Variants in RGPD2 observed in about 807,000 individuals in gnomAD.
RGPD2 encodes the protein RANBP2-like and GRIP domain-containing protein 2.
RGPD2 carries 2 observed loss-of-function variants against 36.0 expected under a neutral mutation model. The observed-to-expected ratio is 0.06, with a 90% CI of 0.02 to 0.17. The LOEUF (loss-of-function observed/expected upper bound fraction) is 0.17, where lower values mean the gene tolerates loss of function less well. RGPD2 is among the 10% of genes least tolerant of loss of function. The pLI, the probability that RGPD2 is intolerant of heterozygous loss-of-function variation, is 1.00. For missense variants in RGPD2, 40 were observed against 464.3 expected (o/e 0.09, Z 8.40); for synonymous variants, 19 against 163.8 (o/e 0.12, Z 6.75).
the RGPD2 span, chr2:87,972,786 G>T: frequency 3.7e-6 from 6 of 1,611,582 alleles, no homozygotes; most frequent in Non-Finnish European, 5.1e-6. Context: ...GGTCACTGCT[G>T]CAGGGAGACT....
At chr2:87,972,901 C>T in the RGPD2 span, 1 of 1,613,128 alleles carries the variant, frequency 6.2e-7, no homozygotes, top group Non-Finnish European at 8.5e-7. Context: ...GAGCTAAACT[C>T]AGGCTGCAAC....
the RGPD2 span, among the ~76,000 whole-genome samples, chr2:87,887,487 G>T: frequency 6.6e-6 from 1 of 151,902 alleles, no homozygotes; most frequent in South Asian, 2.1e-4. Context: ...GATTCTCTTA[G>T]GTACTACATA....
At chr2:87,911,018 T>C in the RGPD2 span, among the ~76,000 whole-genome samples, 1 of 149,028 alleles carries the variant, frequency 6.7e-6, no homozygotes, top group Non-Finnish European at 1.5e-5. Context: ...AAGGAAGCCT[T>C]AGACACAGAG....
the RGPD2 span, among the ~76,000 whole-genome samples, chr2:87,919,163 A>G: frequency 0.26 from 39,056 of 151,916 alleles, 5,444 homozygotes; most frequent in Non-Finnish European, 0.31. Context: ...ACCAAAATTT[A>G]TGATAAGCAC....
At chr2:87,963,080 G>A in the RGPD2 span, among the ~76,000 whole-genome samples, 1 of 147,266 alleles carries the variant, frequency 6.8e-6, no homozygotes, top group Non-Finnish European at 1.5e-5. Flanking sequence ...TCGTGCCAGT[G>A]CACTCCAGCC....
At chr2:87,861,541 A>AT in the RGPD2 span, among the ~76,000 whole-genome samples, 1 of 152,168 alleles carries the variant, frequency 6.6e-6, no homozygotes, top group Non-Finnish European at 1.5e-5. Flanking sequence ...TTTGGTTATC[A>AT]TCTCCTTTGC....
At chr2:87,861,259 C>T in the RGPD2 span, among the ~76,000 whole-genome samples, 3 of 150,600 alleles carry the variant, frequency 2.0e-5, no homozygotes, top group Admixed American at 6.6e-5. Flanking sequence ...TTATAAAAAG[C>T]AAATTGAAGT....
At chr2:87,915,308 A>G in the RGPD2 span, among the ~76,000 whole-genome samples, 3 of 130,648 alleles carry the variant, frequency 2.3e-5, no homozygotes, top group Non-Finnish European at 3.1e-5. Flanking sequence ...TATATATTGT[A>G]TATATATGTA....
chr2:87,936,213 C>T, the RGPD2 span, among the ~76,000 whole-genome samples: 1 of 151,272 alleles, frequency 6.6e-6, no homozygotes, highest in Non-Finnish European at 1.5e-5. Flanking sequence ...CTGAGAACCC[C>T]TGGTGTTGAG....
chr2:87,974,662 G>A, the RGPD2 span, among the ~76,000 whole-genome samples: 1 of 152,268 alleles, frequency 6.6e-6, no homozygotes, highest in Non-Finnish European at 1.5e-5. Context: ...CATGAATGGT[G>A]CCTGTCTACT....
At chr2:87,824,694 A>G (rs1686537422) in intron 1 of RGPD2, among the ~76,000 whole-genome samples, 1 of 125,824 alleles carries the variant, frequency 7.9e-6, no homozygotes, top group African/African-American at 3.0e-5. Context: ...TAAGTGTAAG[A>G]GAGGTGAGGC....
chr2:87,918,115 A>G, the RGPD2 span, among the ~76,000 whole-genome samples: 18 of 122,338 alleles, frequency 1.5e-4, no homozygotes, highest in East Asian at 3.6e-3. Flanking sequence ...TTATTTTTGC[A>G]ATTTTTAATT....
At chr2:87,825,545 GCCGCCCGGCC>G (rs1329761142) in intron 1 of RGPD2, 103 bp downstream of exon 1, 4 of 765,700 alleles carry the variant, frequency 5.2e-6, no homozygotes, top group African/African-American at 2.9e-5. Context: ...GGCCGAGGCC[GCCGCCCGGCC>G]AGGTCGAGGC....
the RGPD2 span, among the ~76,000 whole-genome samples, chr2:87,972,151 A>T: frequency 6.6e-6 from 1 of 152,228 alleles, no homozygotes; most frequent in Non-Finnish European, 1.5e-5. Context: ...TTGGTCAGCA[A>T]TGAAAGCAGT....
the RGPD2 span, among the ~76,000 whole-genome samples, chr2:87,841,430 G>A: frequency 6.6e-6 from 1 of 152,060 alleles, no homozygotes; most frequent in Admixed American, 6.6e-5. Flanking sequence ...ATAGCAATGT[G>A]AGAAAAACCT....
At chr2:87,964,203 G>A in the RGPD2 span, among the ~76,000 whole-genome samples, 190 of 152,392 alleles carry the variant, frequency 1.2e-3, no homozygotes, top group South Asian at 5.0e-3. Context: ...TCATATTTCT[G>A]CATTTATTAG....
At chr2:87,951,391 A>G in the RGPD2 span, among the ~76,000 whole-genome samples, 3 of 152,008 alleles carry the variant, frequency 2.0e-5, no homozygotes, top group African/African-American at 7.2e-5. Context: ...TCTGTAATAA[A>G]GTTTCACTAT....
intron 20 of RGPD2, among the ~76,000 whole-genome samples, chr2:87,777,238 CAAAAA>C (rs1196689923): frequency 7.1e-4 from 1 of 1,414 alleles, no homozygotes; most frequent in Non-Finnish European, 1.7e-3. Context: ...AACAAACAAA[CAAAAA>C]AAAACTTAGT....
the RGPD2 span, among the ~76,000 whole-genome samples, chr2:87,910,723 C>T: frequency 6.6e-6 from 1 of 151,178 alleles, no homozygotes; most frequent in Admixed American, 6.6e-5. Context: ...AGTACAATAA[C>T]TATTTGAATA....
Sources: allele counts gnomAD v4.1 joint callset (sites outside exome capture counted in the v4.1 genomes callset), GRCh38; gene constraint gnomAD v4.1.1; transcripts MANE v1.5; gene names NCBI Gene and HGNC (gene_info 2026-07-23, HGNC 2026-07-21).